Variants in BCL2L11 observed in about 807,000 individuals in gnomAD.
BCL2L11 encodes the protein BCL2 like 11.
In BCL2L11, 15 loss-of-function variants were observed where a neutral mutation model predicts 20.6. The ratio of observed to expected loss-of-function variants is 0.73; its 90% confidence interval spans 0.49 to 1.12. BCL2L11 has a LOEUF of 1.12. BCL2L11 is among the 50% of genes most tolerant of loss of function. The probability of loss-of-function intolerance (pLI) is 0.00; values close to 1 mark genes in which losing one functional copy is unlikely to be tolerated. For missense variants in BCL2L11, 292 were observed against 260.9 expected (o/e 1.12, Z -0.82); for synonymous variants, 108 against 92.8 (o/e 1.16, Z -0.94).
chr2:111,147,148 G>A (rs2076625277), intron 2 of BCL2L11, among the ~76,000 whole-genome samples: 1 of 152,022 alleles, frequency 6.6e-6, no homozygotes, highest in Non-Finnish European at 1.5e-5. Context: ...TCCAGTATAA[G>A]CCTAGTCTCT....
chr2:111,123,234 C>G, intron 1 of BCL2L11: 2 of 985,492 alleles, frequency 2.0e-6, no homozygotes, highest in Non-Finnish European at 2.4e-6. Context: ...CTACGACTGA[C>G]GGCCGCTGCC....
In BCL2L11 at chr2:111,130,383, C is replaced by T. The variant is rs544759104; in HGVS notation, c.394+6244C>T. The T allele has an allele frequency of 1.3e-4, 28 of 207,878 alleles. 1 individual carries two copies. The South Asian group carries it at 1.5e-3, about 11-fold the overall frequency. The allele number at this position is 207,878 out of a possible 1,614,324, so 12.9% of individuals were successfully genotyped here. On this transcript the variant is annotated intron_variant, in intron 2 of 3. Transcript: ENST00000393256. ...CCTCCCAAAGTGTTGGGATTACAGG[C>T]GTGAGCCACCACACCTGGCCCTACT...
chr2:111,142,508 A>G (rs1165478506), intron 2 of BCL2L11: 4 of 785,366 alleles, frequency 5.1e-6, no homozygotes, highest in Non-Finnish European at 8.4e-6. Context: ...CAATAATCAT[A>G]TCTGTGTTAA....
chr2:111,159,030 A>G (rs1054821969), intron 3 of BCL2L11, among the ~76,000 whole-genome samples: 1 of 152,204 alleles, frequency 6.6e-6, no homozygotes, highest in Non-Finnish European at 1.5e-5. Flanking sequence ...TCTGAGCTGC[A>G]TTGTAGGAAT....
intron 3 of BCL2L11, chr2:111,151,914 G>A (rs2077304072): frequency 1.3e-6 from 2 of 1,523,020 alleles, no homozygotes; most frequent in African/African-American, 1.4e-5. Flanking sequence ...TGGAACTTTG[G>A]TTGGTTTTAT....
intron 3 of BCL2L11, among the ~76,000 whole-genome samples, chr2:111,156,686 G>A (rs774515997): frequency 6.6e-6 from 1 of 152,084 alleles, no homozygotes; most frequent in Non-Finnish European, 1.5e-5. Flanking sequence ...AGGAAAACAC[G>A]ACTCACAGAG....
chr2:111,160,976 T>C (rs1364850862), intron 3 of BCL2L11, among the ~76,000 whole-genome samples: 1 of 152,218 alleles, frequency 6.6e-6, no homozygotes, highest in Non-Finnish European at 1.5e-5. Context: ...TTCTTAGTTC[T>C]GGAGGCTGGA....
At chr2:111,123,008 G>T (rs2071498080) in intron 1 of BCL2L11, 1 of 984,808 alleles carries the variant, frequency 1.0e-6, no homozygotes, top group African/African-American at 1.7e-5. Context: ...CTAGCCTGCG[G>T]ACCTAGTTGT....
intron 2 of BCL2L11, chr2:111,128,631 C>G: frequency 6.8e-7 from 1 of 1,474,572 alleles, no homozygotes; most frequent in Non-Finnish European, 9.0e-7. Flanking sequence ...TAACAGTAGT[C>G]ATCCTAGAGG....
intron 3 of BCL2L11, among the ~76,000 whole-genome samples, chr2:111,159,061 G>A (rs1205040006): frequency 2.6e-5 from 4 of 152,128 alleles, no homozygotes; most frequent in Non-Finnish European, 5.9e-5. Flanking sequence ...TTCTCAATTC[G>A]CACTCCAGAA....
chr2:111,124,262 G>A, intron 2 of BCL2L11, 123 bp downstream of exon 2: 2 of 1,169,778 alleles, frequency 1.7e-6, no homozygotes, highest in African/African-American at 1.6e-5. Context: ...CTTTAGATGG[G>A]AATGGAGGAT....
rs1406287363 is a variant in BCL2L11, at chr2:111,124,015, T to C, written c.270T>C (p.Ser90=). 6.2e-7 allele frequency: 1 copy of C among 1,614,200 alleles called. No individual in the cohort carries two copies. The highest frequency in any genetic ancestry group is 1.3e-5 in the African/African-American group (1 of 75,054). ...TTATGAGAAGATCCTCCCTGCTGTC[T>C]CGATCCTCCAGTGGGTATTTCTCTT... is the stretch of plus-strand genomic sequence containing the variant. ...FIFMRRSSLL[S]RSSSGYFSFD... The change falls in exon 2 of 4, where the codon TCT becomes TCC. Residue 90 remains serine, a synonymous_variant. Coordinates refer to ENST00000393256, the MANE Select transcript of BCL2L11 (RefSeq NM_138621.5).
Position 111,124,064 on chromosome 2 carries a change from C to A in BCL2L11, c.319C>A (p.Pro107Thr), listed in dbSNP as rs2150143613. Reference sequence around the variant, plus strand: ...TTTTGACACAGACAGGAGCCCAGCACCCATGAGTTGTGACAAATCAACACA... The same window carrying A: ...TTTTGACACAGACAGGAGCCCAGCAACCATGAGTTGTGACAAATCAACACA... ...FSFDTDRSPA[P>T]MSCDKSTQTP... Residue 107 changes from proline to threonine, a missense_variant, in exon 2 of 4, where the codon CCC (proline) becomes ACC (threonine). Pro to Thr is a conservative substitution (Grantham distance 38). Transcript: ENST00000393256. The A allele has an allele frequency of 4.3e-6, 7 of 1,614,174 alleles. No homozygotes were observed. Among genetic ancestry groups the A allele is most frequent in the Non-Finnish European group, 5.9e-6 (7 of 1,180,026 alleles).
intron 2 of BCL2L11, among the ~76,000 whole-genome samples, chr2:111,126,584 C>G (rs2072670118): frequency 6.6e-6 from 1 of 152,086 alleles, no homozygotes; most frequent in Non-Finnish European, 1.5e-5. Flanking sequence ...TAAATTGAAG[C>G]ATAAAATTTA....
chr2:111,143,237 G>A (rs928133261), intron 2 of BCL2L11, among the ~76,000 whole-genome samples: 5 of 152,188 alleles, frequency 3.3e-5, no homozygotes, highest in African/African-American at 9.7e-5. Flanking sequence ...CTAAGGAGTA[G>A]TAGCAGTATT....
chr2:111,127,007 A>G (rs1351227952), intron 2 of BCL2L11, among the ~76,000 whole-genome samples: 1 of 93,574 alleles, frequency 1.1e-5, no homozygotes, highest in African/African-American at 7.6e-5. Flanking sequence ...CACTGTTTTC[A>G]TATTTTCCTT....
At position 111,166,528 on chromosome 2, in the gene BCL2L11, G is replaced by T. The variant is rs1235551718; in HGVS notation, c.*2297G>T. 1.3e-5 allele frequency: 2 copies of T among 152,670 alleles called. No homozygotes were observed. Among genetic ancestry groups the T allele is most frequent in the Non-Finnish European group, 2.9e-5 (2 of 68,044 alleles). 9.5% of individuals were successfully genotyped at this position (152,670 alleles called of 1,614,324 possible). ...TTATCAAGATGCCTCTGTGCAGAAA[G>T]TATGCCTCCCGTGGGTATACGTTTT... On this transcript the variant is annotated 3_prime_UTR_variant, in exon 4 of 4. Coordinates refer to ENST00000393256, the MANE Select transcript of BCL2L11 (RefSeq NM_138621.5).
intron 3 of BCL2L11, among the ~76,000 whole-genome samples, chr2:111,157,062 G>A (rs1289919270): frequency 2.0e-5 from 3 of 152,196 alleles, no homozygotes; most frequent in South Asian, 4.1e-4. Context: ...ACTGGTGTGT[G>A]TTTAAATGGC....
chr2:111,146,378 T>A, intron 2 of BCL2L11: 1 of 433,994 alleles, frequency 2.3e-6, no homozygotes, highest in Non-Finnish European at 3.1e-6. Flanking sequence ...ACTAGAAATG[T>A]CAACCTAAGT....
Sources: allele counts gnomAD v4.1 joint callset (sites outside exome capture counted in the v4.1 genomes callset), GRCh38; gene constraint gnomAD v4.1.1; transcripts MANE v1.5; gene names NCBI Gene and HGNC (gene_info 2026-07-23, HGNC 2026-07-21).